The following KCNK18 variants were observed in gnomAD, a reference collection of about 807,000 sequenced individuals.
The protein encoded by KCNK18 is potassium channel subfamily K member 18.
KCNK18 carries 8 observed loss-of-function variants against 11.8 expected under a neutral mutation model. The ratio of observed to expected loss-of-function variants is 0.68; its 90% confidence interval spans 0.40 to 1.22. KCNK18 has a LOEUF of 1.22. Among genes scored for constraint, KCNK18 ranks in the 50% most tolerant of loss-of-function variants. The pLI is 0.01. For missense variants in KCNK18, 442 were observed against 465.4 expected, an observed-to-expected ratio of 0.95 and a Z score of 0.46; for synonymous variants, 208 against 185.8, an observed-to-expected ratio of 1.12 and a Z score of -0.97.
At position 117,202,886 on chromosome 10, in the gene KCNK18, C is replaced by CTTTTTTT. The variant is rs201850637; in HGVS notation, c.352+1615_352+1621dup. On this transcript the variant is annotated intron_variant, in intron 2 of 2. Coordinates refer to ENST00000334549, the MANE Select transcript of KCNK18 (RefSeq NM_181840.1). ...GTGGTTTCTCCCATTTGCCTGAATG[C>CTTTTTTT]TTTTTTTTTTTTTTTTTTTTTTGAG... Among the ~76,000 whole-genome samples, 1,059 of 122,872 alleles carry CTTTTTTT rather than the reference C, an allele frequency of 8.6e-3. 54 individuals are homozygous for CTTTTTTT. The highest frequency in any genetic ancestry group is 0.034 in the African/African-American group (993 of 29,168). The allele number at this position is 122,872 out of a possible 152,430, so 80.6% of individuals were successfully genotyped here. A position where few individuals can be genotyped will look rare whatever the true frequency, so the allele number is the denominator to read the frequency against.
At position 117,209,604 on chromosome 10, in the gene KCNK18, A is replaced by G; in HGVS notation, c.460A>G (p.Ile154Val). The G allele has an allele frequency of 1.2e-6, 2 of 1,614,144 alleles. No individual in the cohort carries two copies. Among genetic ancestry groups the G allele is most frequent in the Non-Finnish European group, 8.5e-7 (1 of 1,180,018 alleles). ...MFLVLTDTGD[I>V]LATILSTSYN... ...CCTCGTTCTCACGGACACAGGCGAC[A>G]TCCTGGCAACCATCTTATCTACATC... Residue 154 changes from isoleucine (I) to valine (V), a missense_variant, in exon 3 of 3, where the codon ATC (isoleucine) becomes GTC (valine). Physicochemically the swap from Ile to Val is conservative, Grantham distance 29 (BLOSUM62 3). Coordinates refer to ENST00000334549, the MANE Select transcript of KCNK18 (RefSeq NM_181840.1).
At chr10:117,197,783 C>A in intron 1 of KCNK18, 72 bp downstream of exon 1, 1 of 1,377,466 alleles carries the variant, frequency 7.3e-7, no homozygotes, top group Non-Finnish European at 1.0e-6. Context: ...CAGAGGGCTG[C>A]CTTCTAGGAG....
chr10:117,201,518 A>G (rs1011230919), intron 2 of KCNK18, among the ~76,000 whole-genome samples: 1 of 152,168 alleles, frequency 6.6e-6, no homozygotes, highest in African/African-American at 2.4e-5. Flanking sequence ...TGATTAGCTC[A>G]TCTAATCCTC....
chr10:117,207,309 G>A (rs1855088554), intron 2 of KCNK18, among the ~76,000 whole-genome samples: 1 of 152,154 alleles, frequency 6.6e-6, no homozygotes, highest in Non-Finnish European at 1.5e-5. Flanking sequence ...GATTACAGGT[G>A]TGAGCCATTG....
chr10:117,199,656 C>CT (rs1225755257), intron 1 of KCNK18, among the ~76,000 whole-genome samples: 1 of 152,218 alleles, frequency 6.6e-6, no homozygotes, highest in Non-Finnish European at 1.5e-5. Context: ...GAGCCTGAAC[C>CT]TTTCACCACC....
At chr10:117,200,322 C>A (rs1440298463) in intron 1 of KCNK18, among the ~76,000 whole-genome samples, 13 of 152,174 alleles carry the variant, frequency 8.5e-5, no homozygotes, top group Admixed American at 5.2e-4. Flanking sequence ...AAATGATCCG[C>A]CCACCTTAGC....
At chr10:117,203,525 G>A (rs1855039430) in intron 2 of KCNK18, among the ~76,000 whole-genome samples, 1 of 152,182 alleles carries the variant, frequency 6.6e-6, no homozygotes, top group Non-Finnish European at 1.5e-5. Flanking sequence ...TAGAAGTTAT[G>A]AAGTTTGTCT....
chr10:117,210,178 T>C lies in KCNK18; in HGVS notation c.1034T>C (p.Ile345Thr). Residue 345 changes from isoleucine to threonine, a missense_variant, in exon 3 of 3, where the codon ATC (isoleucine) becomes ACC (threonine). Ile to Thr is a moderately conservative substitution (Grantham distance 89, BLOSUM62 -1). Coordinates refer to ENST00000334549, the MANE Select transcript of KCNK18 (RefSeq NM_181840.1). ...NFFLFFSIYI[I>T]VGMEIVFIAF... Reference sequence around the variant, plus strand: ...TTCCTGTTCTTCTCCATTTATATCATCGTTGGAATGGAGATTGTGTTCATT... The same window carrying C: ...TTCCTGTTCTTCTCCATTTATATCACCGTTGGAATGGAGATTGTGTTCATT... 6.2e-7 allele frequency: 1 copy of C among 1,614,206 alleles called. No homozygotes were observed. Among genetic ancestry groups the C allele is most frequent in the Non-Finnish European group, 8.5e-7 (1 of 1,180,022 alleles).
intron 2 of KCNK18, among the ~76,000 whole-genome samples, chr10:117,206,318 CTT>C (rs1278279288): frequency 6.6e-6 from 1 of 152,164 alleles, no homozygotes; most frequent in East Asian, 1.9e-4. Context: ...CCACATCACT[CTT>C]GTCTCTGCCT....
Position 117,209,833 on chromosome 10 carries a change from G to T in KCNK18, c.689G>T (p.Arg230Ile), listed in dbSNP as rs769311626. Reference protein sequence around the residue: ...RPSCSMELFERSHALEKQNTL... With the variant: ...RPSCSMELFEISHALEKQNTL... ...AGCTGCAGCATGGAGCTGTTTGAGA[G>T]ATCTCATGCGCTAGAGAAACAGAAC... The change falls in exon 3 of 3, where the codon AGA becomes ATA. Residue 230 changes from arginine (R) to isoleucine (I), a missense_variant. Transcript: ENST00000334549. The T allele has an allele frequency of 6.2e-7, 1 of 1,614,152 alleles. No homozygotes were observed. The highest frequency in any genetic ancestry group is 8.5e-7 in the Non-Finnish European group (1 of 1,180,034).
At position 117,197,709 on chromosome 10, in the gene KCNK18, C is replaced by T. The variant is rs201294595; in HGVS notation, c.221C>T (p.Thr74Ile). 1 of 1,613,644 alleles carries T rather than the reference C, an allele frequency of 6.2e-7. No individual in the cohort carries two copies. Among genetic ancestry groups the T allele is most frequent in the African/African-American group, 1.3e-5 (1 of 74,888 alleles). ...ELCRILNCSE[T>I]VVEDRKQDLQ... is the part of the protein sequence containing the mutation. ...TGCAGAATCTTGAACTGCAGTGAAA[C>T]AGGTAGGTGCCTCACCTGGACAGGG... The change falls in exon 1 of 3, where the codon ACA becomes ATA. Residue 74 changes from threonine to isoleucine, a missense_variant and splice_region_variant. Transcript: ENST00000334549.
intron 2 of KCNK18, among the ~76,000 whole-genome samples, chr10:117,206,053 TA>T (rs899626194): frequency 3.4e-4 from 51 of 149,712 alleles, no homozygotes; most frequent in African/African-American, 1.0e-3. Context: ...GATCTCATCT[TA>T]AAAAAAAAAG....
At chr10:117,203,839 G>A (rs1468982190) in intron 2 of KCNK18, among the ~76,000 whole-genome samples, 3 of 152,186 alleles carry the variant, frequency 2.0e-5, no homozygotes, top group Admixed American at 2.0e-4. Context: ...ACCCGGCCAT[G>A]CCTGGCTAAT....
At chr10:117,199,949 A>G (rs1483226228) in intron 1 of KCNK18, among the ~76,000 whole-genome samples, 1 of 152,248 alleles carries the variant, frequency 6.6e-6, no homozygotes, top group Non-Finnish European at 1.5e-5. Flanking sequence ...CAGGGTTCCC[A>G]ACCCTGCTCT....
In KCNK18 at chr10:117,205,737, A is replaced by C. The variant is rs1462994727; in HGVS notation, c.353-3760A>C. Among the ~76,000 whole-genome samples, 4 of 152,260 alleles carry C rather than the reference A, an allele frequency of 2.6e-5. No homozygotes were observed. In the East Asian group the frequency reaches 7.7e-4, roughly 29 times the overall value. On this transcript the variant is annotated intron_variant, in intron 2 of 2. Transcript: ENST00000334549. The stretch of plus-strand genomic sequence containing the variant: ...CCCTACAATTTACTGTCTGTGATGC[A>C]GTCAGGATGATTTTTTCAAGATGCA...
At chr10:117,202,136 G>A (rs1855020427) in intron 2 of KCNK18, among the ~76,000 whole-genome samples, 1 of 152,226 alleles carries the variant, frequency 6.6e-6, no homozygotes, top group South Asian at 2.1e-4. Flanking sequence ...CCATCCCTAG[G>A]AGGACCTGGC....
At chr10:117,209,475 T>C (rs1855115924) in intron 2 of KCNK18, 22 bp from the exon 3 acceptor site, 2 of 1,606,126 alleles carry the variant, frequency 1.2e-6, no homozygotes, top group African/African-American at 2.7e-5. Context: ...ATGCAAACTC[T>C]AAGCTCCATC....
chr10:117,206,998 A>G (rs923237082), intron 2 of KCNK18, among the ~76,000 whole-genome samples: 1 of 151,942 alleles, frequency 6.6e-6, no homozygotes, highest in African/African-American at 2.4e-5. Flanking sequence ...CACAGGAAAA[A>G]TCTTTCCTGG....
intron 2 of KCNK18, among the ~76,000 whole-genome samples, chr10:117,208,177 A>G (rs1023619632): frequency 2.6e-5 from 4 of 151,478 alleles, no homozygotes; most frequent in African/African-American, 9.7e-5. Context: ...TTTGACCCCA[A>G]CTCCACTGTG....
Sources: allele counts gnomAD v4.1 joint callset (sites outside exome capture counted in the v4.1 genomes callset), GRCh38; gene constraint gnomAD v4.1.1; transcripts MANE v1.5; gene names NCBI Gene and HGNC (gene_info 2026-07-23, HGNC 2026-07-21).